SIPA1L2: variants seen among roughly 807,000 people sequenced by gnomAD.
SIPA1L2 encodes the protein signal induced proliferation associated 1 like 2, also known as signal-induced proliferation-associated 1-like protein 2.
In SIPA1L2, 56 loss-of-function variants were observed where a neutral mutation model predicts 163.9. The observed-to-expected ratio is 0.34, with a 90% CI of 0.28 to 0.43. The LOEUF (loss-of-function observed/expected upper bound fraction) is 0.43. SIPA1L2 is among the 20% of genes least tolerant of loss of function. The probability of loss-of-function intolerance (pLI) is 1.00; values close to 1 mark genes in which losing one functional copy is unlikely to be tolerated. For missense variants in SIPA1L2, 1,974 were observed against 2,193.5 expected (o/e 0.90, Z 2.00); for synonymous variants, 877 against 865.7 (o/e 1.01, Z -0.23).
chr1:232,511,770 A>G (rs528538571), intron 3 of SIPA1L2, among the ~76,000 whole-genome samples: 92 of 152,278 alleles, frequency 6.0e-4, no homozygotes, highest in African/African-American at 2.2e-3. Context: ...AACCATAAAA[A>G]CCCTAGAAGA....
chr1:232,613,746 G>C (rs905051803), intron 1 of SIPA1L2, among the ~76,000 whole-genome samples: 1 of 152,094 alleles, frequency 6.6e-6, no homozygotes, highest in African/African-American at 2.4e-5. Context: ...TGTAATGTAG[G>C]TCAAATTAGT....
chr1:232,580,354 G>A (rs1241124083), intron 1 of SIPA1L2, among the ~76,000 whole-genome samples: 1 of 152,142 alleles, frequency 6.6e-6, no homozygotes. Flanking sequence ...ACCTCAACCT[G>A]TTTTATCAGC....
At chr1:232,602,052 T>C (rs1041138632) in intron 1 of SIPA1L2, among the ~76,000 whole-genome samples, 1 of 152,130 alleles carries the variant, frequency 6.6e-6, no homozygotes, top group Non-Finnish European at 1.5e-5. Flanking sequence ...ATGGAGAAGG[T>C]GGCCTAGTAA....
chr1:232,479,256 G>GT (rs1036995959), intron 7 of SIPA1L2, among the ~76,000 whole-genome samples: 10 of 152,054 alleles, frequency 6.6e-5, no homozygotes, highest in Admixed American at 5.9e-4. Context: ...AATAGCACCA[G>GT]TAACAACTGC....
intron 18 of SIPA1L2, among the ~76,000 whole-genome samples, chr1:232,421,268 G>A (rs957550432): frequency 6.6e-6 from 1 of 152,180 alleles, no homozygotes; most frequent in Non-Finnish European, 1.5e-5. Context: ...TTCTGAAAGG[G>A]GGGTAGTATC....
intron 5 of SIPA1L2, among the ~76,000 whole-genome samples, chr1:232,489,420 C>T (rs974573033): frequency 3.9e-5 from 6 of 151,916 alleles, no homozygotes; most frequent in Admixed American, 3.9e-4. Context: ...ATTCCACATA[C>T]TTTACCAGTC....
chr1:232,531,576 T>C (rs180889806), intron 2 of SIPA1L2, among the ~76,000 whole-genome samples: 59 of 152,312 alleles, frequency 3.9e-4, no homozygotes, highest in African/African-American at 1.3e-3. Context: ...TGAAAGGCCC[T>C]GGAAAAGGTC....
intron 2 of SIPA1L2, among the ~76,000 whole-genome samples, chr1:232,549,221 C>T (rs570579816): frequency 6.6e-6 from 1 of 152,192 alleles, no homozygotes; most frequent in African/African-American, 2.4e-5. Flanking sequence ...TCACTTCCAG[C>T]CTGCCTGGAC....
At chr1:232,562,625 G>T (rs74230924) in intron 2 of SIPA1L2, among the ~76,000 whole-genome samples, 1 of 152,138 alleles carries the variant, frequency 6.6e-6, no homozygotes, top group African/African-American at 2.4e-5. Flanking sequence ...GTACTGATGC[G>T]TATTTCCAAG....
chr1:232,547,581 T>TG (rs1332816646), intron 2 of SIPA1L2, among the ~76,000 whole-genome samples: 1 of 44,876 alleles, frequency 2.2e-5, no homozygotes, highest in Non-Finnish European at 4.2e-5. Context: ...GGGGGCTGGG[T>TG]GGGGGCTGGG....
At chr1:232,533,824 A>C (rs1283789472) in intron 2 of SIPA1L2, among the ~76,000 whole-genome samples, 1 of 152,234 alleles carries the variant, frequency 6.6e-6, no homozygotes, top group East Asian at 1.9e-4. Context: ...GCAGCAGAGC[A>C]AGAATCCAGT....
chr1:232,537,798 G>A (rs950715940), intron 2 of SIPA1L2, among the ~76,000 whole-genome samples: 15 of 152,226 alleles, frequency 9.9e-5, no homozygotes, highest in Admixed American at 6.5e-4. Flanking sequence ...TAAATGAGCT[G>A]AGGCAGGTAA....
At chr1:232,554,566 T>C (rs1444640262) in intron 2 of SIPA1L2, among the ~76,000 whole-genome samples, 1 of 148,856 alleles carries the variant, frequency 6.7e-6, no homozygotes, top group Non-Finnish European at 1.5e-5. Flanking sequence ...AGTTTGCTTT[T>C]GCAACAACAC....
chr1:232,527,280 C>A (rs1667753359), intron 2 of SIPA1L2, among the ~76,000 whole-genome samples: 1 of 152,192 alleles, frequency 6.6e-6, no homozygotes, highest in African/African-American at 2.4e-5. Flanking sequence ...ATAATTGTCC[C>A]AGCTTTGTTG....
intron 10 of SIPA1L2, among the ~76,000 whole-genome samples, chr1:232,456,425 T>C (rs1326349242): frequency 6.6e-6 from 1 of 152,158 alleles, no homozygotes; most frequent in African/African-American, 2.4e-5. Flanking sequence ...CATGATAACA[T>C]GAGAAAATTT....
At chr1:232,466,224 T>G (rs977596827) in intron 8 of SIPA1L2, among the ~76,000 whole-genome samples, 1 of 152,040 alleles carries the variant, frequency 6.6e-6, no homozygotes, top group African/African-American at 2.4e-5. Flanking sequence ...TGGGACAGAG[T>G]GATCATACTT....
intron 18 of SIPA1L2, among the ~76,000 whole-genome samples, chr1:232,425,271 A>T (rs954894087): frequency 1.4e-5 from 2 of 145,698 alleles, no homozygotes; most frequent in Admixed American, 6.8e-5. Flanking sequence ...TTTTTTTTTT[A>T]AATCAGGCTA....
In SIPA1L2 at chr1:232,441,354, G is replaced by A; in HGVS notation, c.3579C>T (p.Ser1193=). The A allele has an allele frequency of 6.3e-7, 1 of 1,595,072 alleles. No individual in the cohort carries two copies. Among genetic ancestry groups the A allele is most frequent in the Non-Finnish European group, 8.5e-7 (1 of 1,175,640 alleles). ...WHGPPSKVLG[S]YKERALQKDG... is the part of the protein sequence containing the mutation. ...CTTTCTGCAGAGCTCTTTCTTTATA[G>A]GAACCCAGGACTTTGGAAGGTGGGC... is the stretch of plus-strand genomic sequence containing the variant. The change falls in exon 14 of 23, where the codon TCC becomes TCT. Residue 1193 remains serine, a synonymous_variant. Coordinates refer to ENST00000674635, the MANE Select transcript of SIPA1L2 (RefSeq NM_020808.5).
intron 16 of SIPA1L2, among the ~76,000 whole-genome samples, chr1:232,428,927 C>T (rs765979270): frequency 1.3e-5 from 2 of 152,156 alleles, no homozygotes; most frequent in Admixed American, 6.5e-5. Flanking sequence ...TTCGAAGCAA[C>T]GCTTGTGTGC....
Sources: allele counts gnomAD v4.1 joint callset (sites outside exome capture counted in the v4.1 genomes callset), GRCh38; gene constraint gnomAD v4.1.1; transcripts MANE v1.5; gene names NCBI Gene and HGNC (gene_info 2026-07-23, HGNC 2026-07-21).